Variants in LRP4 observed in about 807,000 individuals in gnomAD.
LRP4 encodes the protein LDL receptor related protein 4.
In LRP4, 95 loss-of-function variants were observed where a neutral mutation model predicts 220.3. That is an observed-to-expected ratio of 0.43 (90% CI 0.37 to 0.51). The LOEUF (loss-of-function observed/expected upper bound fraction) is 0.51, where lower values mean the gene tolerates loss of function less well. Among genes scored for constraint, LRP4 ranks in the 20% least tolerant of loss-of-function variants. The probability of loss-of-function intolerance (pLI) is 0.00; values close to 1 mark genes in which losing one functional copy is unlikely to be tolerated. For missense variants in LRP4, 1,925 were observed against 2,567.0 expected (o/e 0.75, Z 5.40); for synonymous variants, 903 against 954.6 (o/e 0.95, Z 1.00).
chr11:46,878,917 G>A lies in LRP4; in HGVS notation c.3126C>T (p.Thr1042=), dbSNP rs1941082520. The A allele has an allele frequency of 6.2e-7, 1 of 1,614,090 alleles. No homozygotes were observed. ...GATGCTTTCACTCACCTGGTGAGCA[G>A]GTCTTGCCATCAGACAGCAGGTTGA... ...TGINLLSDGK[T]CSPGMNSFLI... Residue 1042 remains threonine, a synonymous_variant, in exon 22 of 38, where the codon ACC becomes ACT. Coordinates refer to ENST00000378623, the MANE Select transcript of LRP4 (RefSeq NM_002334.4).
chr11:46,900,325 G>A lies in LRP4; in HGVS notation c.253C>T (p.Arg85Cys), dbSNP rs1219866663. 4 of 1,614,096 alleles carry A rather than the reference G, an allele frequency of 2.5e-6. No individual in the cohort carries two copies. The highest frequency in any genetic ancestry group is 2.2e-5 in the South Asian group (2 of 91,084). ...TCCCCGTCACACACCCAGGAGCGGC[G>A]GATGCACTTGCCATTGTCACAGTGA... The part of the protein sequence containing the change: ...DFHCDNGKCI[R>C]RSWVCDGDND... The change falls in exon 3 of 38, where the codon CGC (arginine) becomes TGC (cysteine). Residue 85 changes from arginine (R) to cysteine (C), a missense_variant. By Grantham distance (180) the Arg-to-Cys change is radical (BLOSUM62 -3). This residue lies in a region of LRP4 where 412 missense variants were observed against 505.4 expected (regional missense o/e 0.82). Coordinates refer to ENST00000378623, the MANE Select transcript of LRP4 (RefSeq NM_002334.4).
chr11:46,871,610 A>T lies in LRP4; in HGVS notation c.4607T>A (p.Leu1536Gln). Reference protein sequence around the residue: ...TRRIYWVDAHLDRIESADLNG... With the variant: ...TRRIYWVDAHQDRIESADLNG... Reference sequence around the variant, plus strand: ...GAGGTCAGCACTCTCGATCCGGTCCAGATGCGCATCCACCCAGTAGATCCT... The same window carrying T: ...GAGGTCAGCACTCTCGATCCGGTCCTGATGCGCATCCACCCAGTAGATCCT... Residue 1536 changes from leucine (L) to glutamine (Q), a missense_variant, in exon 31 of 38, where the codon CTG (leucine) becomes CAG (glutamine). Coordinates refer to ENST00000378623, the MANE Select transcript of LRP4 (RefSeq NM_002334.4). The T allele has an allele frequency of 6.2e-7, 1 of 1,612,510 alleles. No individual in the cohort carries two copies. The highest frequency in any genetic ancestry group is 8.5e-7 in the Non-Finnish European group (1 of 1,179,224).
At chr11:46,911,608 A>AGAAAAAAAAAAAAAAAAAAAAAAG (rs60596634) in intron 1 of LRP4, among the ~76,000 whole-genome samples, 1 of 140,020 alleles carries the variant, frequency 7.1e-6, no homozygotes. Context: ...AAATAAATAA[A>AGAAAAAAAAAAAAAAAAAAAAAAG]TAAATAAAAA....
intron 1 of LRP4, among the ~76,000 whole-genome samples, chr11:46,916,537 C>A (rs1004666448): frequency 6.8e-6 from 1 of 146,120 alleles, no homozygotes; most frequent in Non-Finnish European, 1.5e-5. Context: ...TCCCCCCATT[C>A]TCACCCCCAT....
rs182517846 is a variant in LRP4 at position 46,878,987 on chromosome 11, C to T, written c.3056G>A (p.Arg1019Lys). 3 of 1,614,206 alleles carry T rather than the reference C, an allele frequency of 1.9e-6. No individual in the cohort carries two copies. In the East Asian group the frequency reaches 6.7e-5, roughly 36 times the overall value. The part of the protein sequence containing the change: ...ENGGCSHLCL[R>K]SPNPSGFSCT... ...GCTGAATCCGCTTGGATTTGGGGAC[C>T]TAAGACACAGGTGGCTACAGCCGCC... The change falls in exon 22 of 38, where the codon AGG becomes AAG. Residue 1019 changes from arginine (R) to lysine (K), a missense_variant. This residue lies in a region of LRP4 where 1,244 missense variants were observed against 1,624.9 expected (regional missense o/e 0.77). Transcript: ENST00000378623.
intron 1 of LRP4, among the ~76,000 whole-genome samples, chr11:46,909,338 G>C (rs565940233): frequency 4.6e-5 from 7 of 151,002 alleles, no homozygotes; most frequent in Middle Eastern, 3.4e-3. Context: ...CGGGCGCGGT[G>C]GCTCACGCCT....
chr11:46,873,355 T>C lies in LRP4; in HGVS notation c.4448+20A>G. Reference sequence around the variant, plus strand: ...CAGCCCTTCTTCCCTGGATCTCTCTTCTGCTGGCCATAAACTTACCCCTTC... The same window carrying C: ...CAGCCCTTCTTCCCTGGATCTCTCTCCTGCTGGCCATAAACTTACCCCTTC... On this transcript the variant is annotated intron_variant, in intron 29 of 37. Coordinates refer to ENST00000378623, the MANE Select transcript of LRP4 (RefSeq NM_002334.4). The surrounding 1 kb of genome is among the most constrained non-coding windows in gnomAD (Gnocchi z 4.2). 1.2e-6 allele frequency: 2 copies of C among 1,613,756 alleles called. No individual in the cohort carries two copies. The highest frequency in any genetic ancestry group is 1.7e-5 in the Admixed American group (1 of 59,980).
chr11:46,911,021 C>G (rs1427562638), intron 1 of LRP4, among the ~76,000 whole-genome samples: 1 of 152,112 alleles, frequency 6.6e-6, no homozygotes, highest in African/African-American at 2.4e-5. Context: ...GAGCCAAGGA[C>G]AGGAGAGAGA....
Position 46,873,106 on chromosome 11 carries a change from G to T in LRP4, c.4577C>A (p.Thr1526Asn). 1 of 1,614,186 alleles carries T rather than the reference G, an allele frequency of 6.2e-7. No homozygotes were observed. Among genetic ancestry groups the T allele is most frequent in the Non-Finnish European group, 8.5e-7 (1 of 1,180,042 alleles). Residue 1526 changes from threonine to asparagine, a missense_variant, in exon 30 of 38, where the codon ACC becomes AAC. By Grantham distance (65) the Thr-to-Asn change is moderately conservative (BLOSUM62 0). Transcript: ENST00000378623. This position sits in a 1 kb window ranked among gnomAD's most constrained non-coding sequence, Gnocchi z 4.2. ...TTTGATGCAAGACTCCCACCTGCGG[G>T]TATCATAGTCCAGGGTAAGGCCATT... ...WPNGLTLDYD[T>N]RRIYWVDAHL... is the part of the protein sequence containing the mutation.
At position 46,857,710 on chromosome 11, in the gene LRP4, C is replaced by G. The variant is rs1259687722; in HGVS notation, c.*1273G>C. 1.3e-5 allele frequency: 2 copies of G among 152,532 alleles called. No individual in the cohort carries two copies. Among genetic ancestry groups the G allele is most frequent in the Admixed American group, 6.5e-5 (1 of 15,276 alleles). 9.4% of individuals were successfully genotyped at this position (152,532 alleles called of 1,614,324 possible). On this transcript the variant is annotated 3_prime_UTR_variant, in exon 38 of 38. Transcript: ENST00000378623. ...TAGGGCAAAAATAAGTCTCAATTTC[C>G]CTGATACCAGGCTGAGACACGTGCC...
Position 46,873,258 on chromosome 11 carries a change from C to T in LRP4, c.4449-24G>A, listed in dbSNP as rs778191126. On this transcript the variant is annotated intron_variant, in intron 29 of 37. Transcript: ENST00000378623. The surrounding 1 kb of genome is among the most constrained non-coding windows in gnomAD (Gnocchi z 4.2). ...ACCTGAGACACAACAGTGCCATCATCATCAAGGCATGGGAAGACAGCACCC... is the reference window on the plus strand; with the variant it reads ...ACCTGAGACACAACAGTGCCATCATTATCAAGGCATGGGAAGACAGCACCC... 2 of 1,614,166 alleles carry T rather than the reference C, an allele frequency of 1.2e-6. No homozygotes were observed. Among genetic ancestry groups the T allele is most frequent in the Non-Finnish European group, 1.7e-6 (2 of 1,180,018 alleles).
chr11:46,914,174 T>C (rs1429312856), intron 1 of LRP4, among the ~76,000 whole-genome samples: 3 of 152,004 alleles, frequency 2.0e-5, no homozygotes, highest in Admixed American at 1.3e-4. Flanking sequence ...TATTCCTATG[T>C]GATAATCTAT....
chr11:46,858,841 G>C lies in LRP4; in HGVS notation c.*142C>G, dbSNP rs567235329. On this transcript the variant is annotated 3_prime_UTR_variant, in exon 38 of 38. Transcript: ENST00000378623. The stretch of plus-strand genomic sequence containing the variant: ...ATGGACTCACGTGGTAAACAGCTCC[G>C]GTGAAGGCTTAGGAACAGTTATGGG... 2.5e-6 allele frequency: 2 copies of C among 794,782 alleles called. No individual in the cohort carries two copies. Among genetic ancestry groups the C allele is most frequent in the Non-Finnish European group, 4.4e-6 (2 of 459,012 alleles). 49.2% of individuals were successfully genotyped at this position (794,782 alleles called of 1,614,324 possible).
chr11:46,888,484 T>C (rs1592534909), intron 16 of LRP4, among the ~76,000 whole-genome samples: 1 of 130,420 alleles, frequency 7.7e-6, no homozygotes, highest in Non-Finnish European at 1.5e-5. Flanking sequence ...ACCTGGGAAG[T>C]GGAGGTTGTG....
At chr11:46,917,585 C>T (rs974212928) in intron 1 of LRP4, among the ~76,000 whole-genome samples, 28 of 152,176 alleles carry the variant, frequency 1.8e-4, no homozygotes, top group African/African-American at 6.5e-4. Context: ...GTTACCGGCC[C>T]CCTGCCCCCC....
intron 18 of LRP4, among the ~76,000 whole-genome samples, chr11:46,885,007 A>T (rs985720585): frequency 2.0e-5 from 3 of 152,004 alleles, no homozygotes; most frequent in African/African-American, 7.2e-5. Flanking sequence ...TTTTTTGGAG[A>T]CAGGCTCTTG....
chr11:46,869,198 C>T (rs1940794351), intron 31 of LRP4, 66 bp from the exon 32 acceptor site: 2 of 1,496,222 alleles, frequency 1.3e-6, no homozygotes, highest in African/African-American at 2.8e-5. Context: ...TCCTGTACAG[C>T]TTCTGTGCCT....
At chr11:46,908,598 G>T (rs1414252666) in intron 1 of LRP4, among the ~76,000 whole-genome samples, 1 of 152,102 alleles carries the variant, frequency 6.6e-6, no homozygotes, top group Non-Finnish European at 1.5e-5. Flanking sequence ...TCAAAAGGGG[G>T]AATTTACAAC....
At position 46,883,947 on chromosome 11, in the gene LRP4, C is replaced by G; in HGVS notation, c.2536G>C (p.Asp846His). The change falls in exon 19 of 38, where the codon GAT becomes CAT. Residue 846 changes from aspartate (D) to histidine (H), a missense_variant. Transcript: ENST00000378623. Reference protein sequence around the residue: ...GTDRIEVANTDGSMRTVLIWE... With the variant: ...GTDRIEVANTHGSMRTVLIWE... ...ATGAGTACTGTTCTCATGCTGCCAT[C>G]TGTGTTGGCTACTTCAATCCGGTCT... 1 of 1,614,216 alleles carries G rather than the reference C, an allele frequency of 6.2e-7. No homozygotes were observed. Among genetic ancestry groups the G allele is most frequent in the Non-Finnish European group, 8.5e-7 (1 of 1,180,018 alleles).
Sources: gnomAD v4.1 joint callset for allele counts (sites outside exome capture counted in the v4.1 genomes callset) on GRCh38, gnomAD v4.1.1 for gene constraint, gnomAD v4.1.1 regional missense constraint, Gnocchi (gnomAD v3.1) non-coding constraint, MANE v1.5 for transcripts, NCBI Gene and HGNC (gene_info 2026-07-23, HGNC 2026-07-21) for gene names.